Variants in MLLT10 observed in about 807,000 individuals in gnomAD.
MLLT10 encodes the protein MLLT10 histone lysine methyltransferase DOT1L cofactor.
In MLLT10, 30 loss-of-function variants were observed where a neutral mutation model predicts 129.1. That is an observed-to-expected ratio of 0.23 (90% CI 0.17 to 0.32). MLLT10 has a LOEUF of 0.32. MLLT10 is among the 10% of genes least tolerant of loss of function. The pLI, the probability that MLLT10 is intolerant of heterozygous loss-of-function variation, is 1.00. For synonymous variants in MLLT10, 490 were observed against 446.4 expected (o/e 1.10, Z -1.23); for missense variants, 1,119 against 1,268.3 (o/e 0.88, Z 1.79).
At position 21,742,451 on chromosome 10, in the gene MLLT10, A is replaced by C. The variant is rs925971679; in HGVS notation, c.*468A>C. 4.6e-6 allele frequency: 1 copy of C among 217,572 alleles called. No individual in the cohort carries two copies. The highest frequency in any genetic ancestry group is 2.2e-5 in the African/African-American group (1 of 44,526). The allele number at this position is 217,572 out of a possible 1,614,324, so 13.5% of individuals were successfully genotyped here. A position where few individuals can be genotyped will look rare whatever the true frequency, so the allele number is the denominator to read the frequency against. On this transcript the variant is annotated 3_prime_UTR_variant, in exon 23 of 23. Transcript: ENST00000307729. ...CTCTAAGTCAAATTCCAAGGAACTA[A>C]TTTCTTCTCCTGGAGTTGCATTGAT... is the stretch of plus-strand genomic sequence containing the variant.
chr10:21,653,284 C>T (rs1427268816), intron 9 of MLLT10, among the ~76,000 whole-genome samples: 1 of 152,126 alleles, frequency 6.6e-6, no homozygotes, highest in Non-Finnish European at 1.5e-5. Flanking sequence ...CAGAATGAAT[C>T]TGCTTATATG....
chr10:21,556,721 TCTCCCCACCCC>T, intron 3 of MLLT10: 1 of 1,612,408 alleles, frequency 6.2e-7, no homozygotes, highest in Non-Finnish European at 8.5e-7. Flanking sequence ...CGCATGTGCA[TCTCCCCACCCC>T]CGATGCCTGG....
intron 13 of MLLT10, among the ~76,000 whole-genome samples, chr10:21,693,227 C>T (rs2054045044): frequency 6.6e-6 from 1 of 152,146 alleles, no homozygotes; most frequent in Non-Finnish European, 1.5e-5. Flanking sequence ...ATAACAATTG[C>T]AGCTGACATT....
chr10:21,653,544 A>T (rs2049263683), intron 9 of MLLT10, among the ~76,000 whole-genome samples: 1 of 152,080 alleles, frequency 6.6e-6, no homozygotes, highest in Non-Finnish European at 1.5e-5. Context: ...CTTTAAGCTC[A>T]TGTGATTAGA....
intron 3 of MLLT10, among the ~76,000 whole-genome samples, chr10:21,546,422 T>TG (rs2036083917): frequency 6.6e-6 from 1 of 151,120 alleles, no homozygotes; most frequent in Non-Finnish European, 1.5e-5. Flanking sequence ...TTTTTTTTTT[T>TG]GAGATGGAGT....
chr10:21,620,777 G>A (rs1427838258), intron 8 of MLLT10, among the ~76,000 whole-genome samples: 1 of 151,834 alleles, frequency 6.6e-6, no homozygotes, highest in African/African-American at 2.4e-5. Context: ...TGCAACCTCC[G>A]TCTCCCAGGT....
chr10:21,587,293 G>T (rs182902627), intron 4 of MLLT10, among the ~76,000 whole-genome samples: 1 of 151,892 alleles, frequency 6.6e-6, no homozygotes, highest in East Asian at 1.9e-4. Context: ...GGTGGCACGT[G>T]CCTGCAGTTC....
chr10:21,681,436 G>A (rs1032159775), intron 12 of MLLT10, 60 bp downstream of exon 12: 5 of 1,183,384 alleles, frequency 4.2e-6, no homozygotes, highest in Non-Finnish European at 4.9e-6. Flanking sequence ...GCTCTTTCTA[G>A]TATGTTATGC....
Position 21,733,754 on chromosome 10 carries a change from C to T in MLLT10, c.2497-14C>T. 1 of 1,589,418 alleles carries T rather than the reference C, an allele frequency of 6.3e-7. No individual in the cohort carries two copies. The highest frequency in any genetic ancestry group is 2.2e-5 in the East Asian group (1 of 44,632). On this transcript the variant is annotated splice_polypyrimidine_tract_variant and intron_variant, in intron 19 of 22. Transcript: ENST00000307729. ...ATGTCCAGTGGACTTAGTTTCTCTT[C>T]TTTCTTACGCTAGGACTTAACCTCC...
chr10:21,534,734 C>T lies in MLLT10; in HGVS notation c.90C>T (p.Asp30=). The change falls in exon 2 of 23, where the codon GAC becomes GAT. Residue 30 remains aspartate (D), a synonymous_variant. Transcript: ENST00000307729. ...TTGGAGGCTGTTGCGTTTGCTCAGA[C>T]GAGAGAGGCTGGGCCGAGAACCCGC... ...EMIGGCCVCS[D]ERGWAENPLV... 18 of 1,613,368 alleles carry T rather than the reference C, an allele frequency of 1.1e-5. No individual in the cohort carries two copies. Among genetic ancestry groups the T allele is most frequent in the Non-Finnish European group, 1.5e-5 (18 of 1,179,528 alleles).
At chr10:21,687,365 A>T (rs1383243648) in intron 13 of MLLT10, among the ~76,000 whole-genome samples, 2 of 152,190 alleles carry the variant, frequency 1.3e-5, no homozygotes, top group Non-Finnish European at 2.9e-5. Flanking sequence ...ATGAAGTGGG[A>T]TGAGTAATAC....
At chr10:21,672,207 G>GTGTGTGTGTGTGTGTA (rs950414625) in intron 10 of MLLT10, among the ~76,000 whole-genome samples, 9 of 150,326 alleles carry the variant, frequency 6.0e-5, no homozygotes, top group African/African-American at 2.0e-4. Context: ...GTGTGTGTGT[G>GTGTGTGTGTGTGTGTA]TGTATTTTGA....
intron 16 of MLLT10, among the ~76,000 whole-genome samples, chr10:21,728,673 A>C (rs938329833): frequency 6.6e-6 from 1 of 152,024 alleles, no homozygotes; most frequent in Non-Finnish European, 1.5e-5. Context: ...GTGACAATGG[A>C]GAGTAAGAGA....
At chr10:21,604,863 T>A (rs1188136666) in intron 5 of MLLT10, among the ~76,000 whole-genome samples, 1 of 144,170 alleles carries the variant, frequency 6.9e-6, no homozygotes, top group African/African-American at 2.6e-5. Context: ...AGCCTGCCCA[T>A]TTTTTTTTTT....
At chr10:21,680,163 G>C (rs140970332) in intron 11 of MLLT10, among the ~76,000 whole-genome samples, 3 of 152,102 alleles carry the variant, frequency 2.0e-5, no homozygotes, top group African/African-American at 7.2e-5. Context: ...GAATAAAAGA[G>C]TAAGGGTAAT....
intron 3 of MLLT10, among the ~76,000 whole-genome samples, chr10:21,562,868 G>A (rs1252787218): frequency 1.6e-5 from 2 of 127,884 alleles, no homozygotes; most frequent in South Asian, 2.4e-4. Context: ...TGCCCAGGCT[G>A]GAGTGCAATG....
intron 3 of MLLT10, among the ~76,000 whole-genome samples, chr10:21,551,019 A>C (rs1157106375): frequency 1.3e-5 from 2 of 151,074 alleles, no homozygotes; most frequent in Non-Finnish European, 2.9e-5. Context: ...CCCAGGTTCA[A>C]GTGTTCAGGT....
At position 21,730,937 on chromosome 10, in the gene MLLT10, C is replaced by G. The variant is rs1447191420; in HGVS notation, c.2101C>G (p.Pro701Ala). The part of the protein sequence containing the change: ...VSSLQIRYDQ[P>A]GNSSLENLPP... ...CAGCTTACAGATTCGCTATGATCAA[C>G]CAGGCAACAGCAGTTTGGAAAATCT... is the stretch of plus-strand genomic sequence containing the variant. The change falls in exon 17 of 23, where the codon CCA becomes GCA. Residue 701 changes from proline to alanine, a missense_variant. Pro to Ala is a conservative substitution (Grantham distance 27). Around this residue, in one of 5 missense-constraint regions of MLLT10, gnomAD observed 1,004 missense variants for 1,008.7 expected, o/e 1.00. Transcript: ENST00000307729. 2 of 1,614,034 alleles carry G rather than the reference C, an allele frequency of 1.2e-6. No homozygotes were observed. Among genetic ancestry groups the G allele is most frequent in the African/African-American group, 2.7e-5 (2 of 74,908 alleles).
chr10:21,574,277 CCTT>C (rs973519804), intron 3 of MLLT10, among the ~76,000 whole-genome samples: 3 of 152,030 alleles, frequency 2.0e-5, no homozygotes, highest in African/African-American at 7.2e-5. Flanking sequence ...TAATCTTTGG[CCTT>C]CTTAATATCT....
Sources: gnomAD v4.1 joint callset for allele counts (sites outside exome capture counted in the v4.1 genomes callset) on GRCh38, gnomAD v4.1.1 for gene constraint, gnomAD v4.1.1 regional missense constraint, MANE v1.5 for transcripts, NCBI Gene and HGNC (gene_info 2026-07-23, HGNC 2026-07-21) for gene names.